The following LYPD6 variants were observed in gnomAD, a reference collection of about 807,000 sequenced individuals.
LYPD6 encodes the protein LY6/PLAUR domain containing 6, also known as ly6/PLAUR domain-containing protein 6.
LYPD6 carries 15 observed loss-of-function variants against 22.7 expected under a neutral mutation model. The ratio of observed to expected loss-of-function variants is 0.66; its 90% CI spans 0.44 to 1.02. The LOEUF (loss-of-function observed/expected upper bound fraction) is 1.02, where lower values mean the gene tolerates loss of function less well. Among genes scored for constraint, LYPD6 ranks in the 50% least tolerant of loss-of-function variants. The pLI, the probability that LYPD6 is intolerant of heterozygous loss-of-function variation, is 0.00. For synonymous variants in LYPD6, 72 were observed against 77.5 expected, an observed-to-expected ratio of 0.93 and a Z score of 0.37; for missense variants, 189 against 208.4, an observed-to-expected ratio of 0.91 and a Z score of 0.57.
At chr2:149,373,952 T>G (rs941415601) in intron 1 of LYPD6, among the ~76,000 whole-genome samples, 6 of 152,202 alleles carry the variant, frequency 3.9e-5, no homozygotes, top group African/African-American at 1.4e-4. Context: ...TTATATTTAC[T>G]CAGTTGGATT....
intron 1 of LYPD6, among the ~76,000 whole-genome samples, chr2:149,411,749 T>C (rs1054704531): frequency 4.6e-5 from 7 of 152,144 alleles, no homozygotes; most frequent in Admixed American, 4.6e-4. Flanking sequence ...TCAAACAGTA[T>C]AGAGAAATAT....
At chr2:149,336,928 C>CTTGTGTGT (rs59618488) in intron 1 of LYPD6, among the ~76,000 whole-genome samples, 59,442 of 148,312 alleles carry the variant, frequency 0.4, 12,921 homozygotes, top group Non-Finnish European at 0.49. Context: ...GTTGAAATAA[C>CTTGTGTGT]GTGTGTGTGT....
In LYPD6 at chr2:149,406,647, C is replaced by T. The variant is rs549683127; in HGVS notation, c.-71-30991C>T. 2.6e-5 allele frequency among the ~76,000 whole-genome samples: 4 copies of T among 152,286 alleles called. 1 individual carries two copies. Among genetic ancestry groups the T allele is most frequent in the Admixed American group, 2.0e-4 (3 of 15,302 alleles). ...GTGTCTCTGCACGTGAGATGGGTTT[C>T]CTGAATACAGCACACTGATTTGTCT... On this transcript the variant is annotated intron_variant, in intron 1 of 4. Coordinates refer to ENST00000334166, the MANE Select transcript of LYPD6 (RefSeq NM_194317.5).
At chr2:149,362,083 C>T (rs1681581124) in intron 1 of LYPD6, among the ~76,000 whole-genome samples, 1 of 152,156 alleles carries the variant, frequency 6.6e-6, no homozygotes, top group Non-Finnish European at 1.5e-5. Context: ...TGTGCAGATG[C>T]TTGATTTTAG....
intron 1 of LYPD6, among the ~76,000 whole-genome samples, chr2:149,358,388 A>G (rs1681509047): frequency 6.6e-6 from 1 of 152,248 alleles, no homozygotes; most frequent in Admixed American, 6.5e-5. Context: ...CAATGGGGAC[A>G]CAAAGATAGG....
rs1472561743 is a variant in LYPD6, at chr2:149,436,249, C to T, written c.-71-1389C>T. ...ATGCTATTTAAAAAATCTTGTTGAA[C>T]ATTTATATTAAACAAAATATCAAAA... On this transcript the variant is annotated intron_variant, in intron 1 of 4. Transcript: ENST00000334166. Among the ~76,000 whole-genome samples, 3 of 152,074 alleles carry T rather than the reference C, an allele frequency of 2.0e-5. No individual in the cohort carries two copies. In the East Asian group the frequency reaches 5.8e-4, roughly 29 times the overall value.
At chr2:149,363,792 T>A (rs1248299231) in intron 1 of LYPD6, among the ~76,000 whole-genome samples, 1 of 152,202 alleles carries the variant, frequency 6.6e-6, no homozygotes, top group Non-Finnish European at 1.5e-5. Flanking sequence ...TTGATGTAGA[T>A]CTTTTGCAGA....
At chr2:149,364,400 A>T (rs899209770) in intron 1 of LYPD6, among the ~76,000 whole-genome samples, 1 of 152,166 alleles carries the variant, frequency 6.6e-6, no homozygotes, top group Non-Finnish European at 1.5e-5. Flanking sequence ...ACCTGAATTC[A>T]TTGGCAAATT....
intron 4 of LYPD6, among the ~76,000 whole-genome samples, chr2:149,469,237 T>C (rs1681277767): frequency 6.6e-6 from 1 of 152,188 alleles, no homozygotes; most frequent in Non-Finnish European, 1.5e-5. Context: ...TTGAGTCATT[T>C]GATAGGTGAT....
rs550588673 is a variant in LYPD6, at chr2:149,398,802, C to T, written c.-71-38836C>T. Among the ~76,000 whole-genome samples the T allele has an allele frequency of 2.0e-5, 3 of 152,092 alleles. No individual in the cohort carries two copies. In the South Asian group the frequency reaches 6.3e-4, roughly 32 times the overall value. On this transcript the variant is annotated intron_variant, in intron 1 of 4. Coordinates refer to ENST00000334166, the MANE Select transcript of LYPD6 (RefSeq NM_194317.5). The stretch of plus-strand genomic sequence containing the variant: ...CAGAAGGTAAGTGGTGCAAGTCAAA[C>T]AGAATGGATAGAGGAGAAGGTTTAA...
rs150751395 is a variant in LYPD6 at position 149,453,645 on chromosome 2, G to C, written c.217+4498G>C. Among the ~76,000 whole-genome samples, 30 of 152,320 alleles carry C rather than the reference G, an allele frequency of 2.0e-4. No homozygotes were observed. In the East Asian group the frequency reaches 5.8e-3, roughly 29 times the overall value. ...CTTTTTCCAGATTGGTTGCCTGATG[G>C]TTCTTGCTACAAGCAGGAAATGTAA... is the stretch of plus-strand genomic sequence containing the variant. On this transcript the variant is annotated intron_variant, in intron 3 of 4. Coordinates refer to ENST00000334166, the MANE Select transcript of LYPD6 (RefSeq NM_194317.5).
At chr2:149,462,625 G>A (rs1263042776) in intron 3 of LYPD6, among the ~76,000 whole-genome samples, 1 of 151,568 alleles carries the variant, frequency 6.6e-6, no homozygotes, top group Non-Finnish European at 1.5e-5. Context: ...TGAAAAAGAA[G>A]ACTAAAGTAG....
chr2:149,485,874 A>C, the LYPD6 span, among the ~76,000 whole-genome samples: 5 of 152,162 alleles, frequency 3.3e-5, no homozygotes, highest in African/African-American at 1.2e-4. Flanking sequence ...AGGCAAAGAC[A>C]CTATGGCCTA....
chr2:149,452,599 G>A (rs1423010657), intron 3 of LYPD6, among the ~76,000 whole-genome samples: 1 of 152,092 alleles, frequency 6.6e-6, no homozygotes, highest in African/African-American at 2.4e-5. Flanking sequence ...ATCACCTGAT[G>A]TGAAAATAAT....
At chr2:149,385,255 C>G (rs548309988) in intron 1 of LYPD6, among the ~76,000 whole-genome samples, 4 of 152,258 alleles carry the variant, frequency 2.6e-5, no homozygotes, top group Admixed American at 6.5e-5. Context: ...ACCCAGCCTA[C>G]CCATCTCAGA....
rs755057738 is a variant in LYPD6, at chr2:149,468,740, A to G, written c.313A>G (p.Thr105Ala). 5.0e-6 allele frequency: 8 copies of G among 1,613,636 alleles called. No individual in the cohort carries two copies. Among genetic ancestry groups the G allele is most frequent in the Non-Finnish European group, 6.8e-6 (8 of 1,179,702 alleles). Residue 105 changes from threonine to alanine, a missense_variant, in exon 4 of 5, where the codon ACT becomes GCT. Thr to Ala is a moderately conservative substitution (Grantham distance 58). Transcript: ENST00000334166. ...RCVPLEECLS[T>A]GCRDSEHEGH... is the part of the protein sequence containing the mutation. ...TGTCCCACTGGAAGAGTGCTTATCC[A>G]CTGGCTGCAGAGACTCCGAGCATGA... is the stretch of plus-strand genomic sequence containing the variant.
At chr2:149,349,243 T>C (rs1248710201) in intron 1 of LYPD6, among the ~76,000 whole-genome samples, 1 of 152,034 alleles carries the variant, frequency 6.6e-6, no homozygotes, top group Non-Finnish European at 1.5e-5. Flanking sequence ...GGGGAGCAAA[T>C]CCTCGAGAGT....
chr2:149,330,428 C>G (rs961293454), upstream of LYPD6: 2 of 150,250 alleles, frequency 1.3e-5, no homozygotes, highest in African/African-American at 4.9e-5. Context: ...GGCCAATGAG[C>G]GCGCCCCGCG....
At chr2:149,461,310 G>A (rs1681082768) in intron 3 of LYPD6, among the ~76,000 whole-genome samples, 1 of 151,698 alleles carries the variant, frequency 6.6e-6, no homozygotes. Context: ...AGATGAAATG[G>A]ACCATAACTC....
Sources: gnomAD v4.1 joint callset for allele counts (sites outside exome capture counted in the v4.1 genomes callset) on GRCh38, gnomAD v4.1.1 for gene constraint, MANE v1.5 for transcripts, NCBI Gene and HGNC (gene_info 2026-07-23, HGNC 2026-07-21) for gene names.